SPATA16: variants seen among roughly 807,000 people sequenced by gnomAD.
The protein encoded by SPATA16 is spermatogenesis-associated protein 16.
A neutral mutation model predicts 63.3 loss-of-function variants in SPATA16; 36 were observed. The ratio of observed to expected loss-of-function variants is 0.57; its 90% CI spans 0.44 to 0.75. The LOEUF (loss-of-function observed/expected upper bound fraction) is 0.75. Among genes scored for constraint, SPATA16 ranks in the 30% least tolerant of loss-of-function variants. The pLI, the probability that SPATA16 is intolerant of heterozygous loss-of-function variation, is 0.00. For synonymous variants in SPATA16, 203 were observed against 216.7 expected (o/e 0.94, Z 0.56); for missense variants, 646 against 679.3 (o/e 0.95, Z 0.54).
intron 3 of SPATA16, among the ~76,000 whole-genome samples, chr3:173,048,426 C>T (rs1736005487): frequency 6.6e-6 from 1 of 151,968 alleles, no homozygotes; most frequent in African/African-American, 2.4e-5. Flanking sequence ...CACACAGATA[C>T]ATACTTCTAA....
chr3:173,051,262 G>A (rs1386266541), intron 2 of SPATA16, among the ~76,000 whole-genome samples: 2 of 152,046 alleles, frequency 1.3e-5, no homozygotes, highest in Non-Finnish European at 2.9e-5. Context: ...GAGTGTAGTG[G>A]CGCGATCTCT....
chr3:173,056,825 G>T (rs1035086710), intron 2 of SPATA16, among the ~76,000 whole-genome samples: 3 of 147,826 alleles, frequency 2.0e-5, no homozygotes, highest in Non-Finnish European at 4.5e-5. Flanking sequence ...ATGCAGACAA[G>T]AAAAAAAATA....
chr3:172,914,848 C>T (rs1375223834), intron 9 of SPATA16, among the ~76,000 whole-genome samples: 1 of 151,584 alleles, frequency 6.6e-6, no homozygotes, highest in Non-Finnish European at 1.5e-5. Context: ...GTTTGAGGCT[C>T]TTTGTATATA....
rs745983584 is a variant in SPATA16, at chr3:173,117,596, C to T, written c.136G>A (p.Glu46Lys). Residue 46 changes from glutamate to lysine, a missense_variant, in exon 2 of 11, where the codon GAG (glutamate) becomes AAG (lysine). Transcript: ENST00000351008. Reference sequence around the variant, plus strand: ...TTACCTCCACAGTTTTTCTTAATCTCTTGTGACATTTCCAGGATGTTAGGT... The same window carrying T: ...TTACCTCCACAGTTTTTCTTAATCTTTTGTGACATTTCCAGGATGTTAGGT... ...HPPNILEMSQ[E>K]IKKNCGGKQV... The T allele has an allele frequency of 6.2e-7, 1 of 1,613,670 alleles. No individual in the cohort carries two copies. The highest frequency in any genetic ancestry group is 8.5e-7 in the Non-Finnish European group (1 of 1,179,780).
At chr3:173,013,911 T>A (rs1025245810) in intron 4 of SPATA16, among the ~76,000 whole-genome samples, 4 of 152,210 alleles carry the variant, frequency 2.6e-5, no homozygotes, top group African/African-American at 9.7e-5. Flanking sequence ...TTAGATAGTA[T>A]TATCAAGACT....
At chr3:172,929,679 A>C (rs1732824552) in intron 6 of SPATA16, among the ~76,000 whole-genome samples, 1 of 152,132 alleles carries the variant, frequency 6.6e-6, no homozygotes, top group African/African-American at 2.4e-5. Context: ...ACCCTTGGGA[A>C]TATCTCTAGT....
chr3:173,015,846 G>A (rs971619001), intron 4 of SPATA16, among the ~76,000 whole-genome samples: 2 of 141,448 alleles, frequency 1.4e-5, no homozygotes, highest in Non-Finnish European at 3.0e-5. Context: ...TTCTCATGAA[G>A]GTAGTCCCAA....
At chr3:173,072,181 G>A (rs936647007) in intron 2 of SPATA16, among the ~76,000 whole-genome samples, 1 of 152,146 alleles carries the variant, frequency 6.6e-6, no homozygotes, top group African/African-American at 2.4e-5. Flanking sequence ...CATAAACAGA[G>A]GATTGGATAA....
intron 3 of SPATA16, among the ~76,000 whole-genome samples, chr3:173,030,221 A>T (rs1735571737): frequency 6.6e-6 from 1 of 152,064 alleles, no homozygotes; most frequent in African/African-American, 2.4e-5. Flanking sequence ...AATAAAAATA[A>T]ACAAATCGGA....
chr3:172,985,017 G>A (rs1172197697), intron 4 of SPATA16, among the ~76,000 whole-genome samples: 1 of 152,104 alleles, frequency 6.6e-6, no homozygotes, highest in Non-Finnish European at 1.5e-5. Context: ...TATATGGGAC[G>A]CCTGAGGCTA....
chr3:173,035,887 G>T (rs1735705166), intron 3 of SPATA16, among the ~76,000 whole-genome samples: 1 of 151,768 alleles, frequency 6.6e-6, no homozygotes, highest in Non-Finnish European at 1.5e-5. Context: ...TTTGCAGGAA[G>T]CAAACAGGTG....
rs566614902 is a variant in SPATA16, at chr3:173,004,814, G to A, written c.848+14672C>T. Reference sequence around the variant, plus strand: ...GTCTCATTTAATCCTCATAACCTCCGTGACATAGACGCTATTATTATCTCT... The same window carrying A: ...GTCTCATTTAATCCTCATAACCTCCATGACATAGACGCTATTATTATCTCT... On this transcript the variant is annotated intron_variant, in intron 4 of 10. Transcript: ENST00000351008. Among the ~76,000 whole-genome samples, 127 of 152,220 alleles carry A rather than the reference G, an allele frequency of 8.3e-4. 1 individual carries two copies. Among genetic ancestry groups the A allele is most frequent in the African/African-American group, 3.0e-3 (124 of 41,542 alleles).
At position 173,130,066 on chromosome 3, in the gene SPATA16, A is replaced by C. The variant is rs78509422; in HGVS notation, c.-19+11037T>G. Among the ~76,000 whole-genome samples, 675 of 152,302 alleles carry C rather than the reference A, an allele frequency of 4.4e-3. 4 individuals carry two copies. Among genetic ancestry groups the C allele is most frequent in the African/African-American group, 0.015 (612 of 41,570 alleles). On this transcript the variant is annotated intron_variant, in intron 1 of 10. Coordinates refer to ENST00000351008, the MANE Select transcript of SPATA16 (RefSeq NM_031955.6). ...AATGGAGACAGGTAAAGATGAACATACAAATCCTATAATCGCCCGGGCGCG... is the reference window on the plus strand; with the variant it reads ...AATGGAGACAGGTAAAGATGAACATCCAAATCCTATAATCGCCCGGGCGCG...
intron 6 of SPATA16, among the ~76,000 whole-genome samples, chr3:172,945,003 A>G (rs1036140486): frequency 1.3e-5 from 2 of 152,212 alleles, no homozygotes; most frequent in African/African-American, 2.4e-5. Flanking sequence ...ATATTTTACT[A>G]TAATAAAAAA....
In SPATA16 at chr3:173,074,591, C is replaced by T. The variant is rs79705957; in HGVS notation, c.613-25497G>A. ...TTGTGAGACCCCTGTCCCCAAGCCA[C>T]ATGGAACTGTGAGTCCACTAGACCT... On this transcript the variant is annotated intron_variant, in intron 2 of 10. Transcript: ENST00000351008. Among the ~76,000 whole-genome samples the T allele has an allele frequency of 4.9e-3, 750 of 152,288 alleles. 5 individuals are homozygous for T. The highest frequency in any genetic ancestry group is 0.017 in the African/African-American group (718 of 41,544).
intron 2 of SPATA16, among the ~76,000 whole-genome samples, chr3:173,064,275 T>C (rs553388046): frequency 7.7e-6 from 1 of 129,208 alleles, no homozygotes; most frequent in East Asian, 2.3e-4. Context: ...ACCACTGCAC[T>C]CCAGCCTGAG....
At chr3:172,921,603 T>C (rs1405582164) in intron 8 of SPATA16, among the ~76,000 whole-genome samples, 1 of 151,924 alleles carries the variant, frequency 6.6e-6, no homozygotes, top group Non-Finnish European at 1.5e-5. Flanking sequence ...GGAATCTTCA[T>C]ATTAGAAGAA....
At chr3:173,124,268 T>C (rs1452334812) in intron 1 of SPATA16, among the ~76,000 whole-genome samples, 1 of 152,240 alleles carries the variant, frequency 6.6e-6, no homozygotes, top group Non-Finnish European at 1.5e-5. Context: ...TAACTGCATG[T>C]TGTAGGACAA....
intron 4 of SPATA16, among the ~76,000 whole-genome samples, chr3:172,989,481 T>C (rs1734528964): frequency 6.6e-6 from 1 of 152,166 alleles, no homozygotes; most frequent in Admixed American, 6.5e-5. Context: ...GGCACAGAGG[T>C]TGAAAACTCT....
Sources: allele counts gnomAD v4.1 joint callset (sites outside exome capture counted in the v4.1 genomes callset), GRCh38; gene constraint gnomAD v4.1.1; transcripts MANE v1.5; gene names NCBI Gene and HGNC (gene_info 2026-07-23, HGNC 2026-07-21).